TMEM135: variants seen among roughly 807,000 people sequenced by gnomAD.
The protein encoded by TMEM135 is peroxisomal membrane protein 52.
TMEM135 carries 30 observed loss-of-function variants against 60.3 expected under a neutral mutation model. The ratio of observed to expected loss-of-function variants is 0.50; its 90% CI spans 0.37 to 0.68. The LOEUF (loss-of-function observed/expected upper bound fraction) is 0.68, where lower values mean the gene tolerates loss of function less well. Among genes scored for constraint, TMEM135 ranks in the 30% least tolerant of loss-of-function variants. The probability of loss-of-function intolerance (pLI) is 0.00; values close to 1 mark genes in which losing one functional copy is unlikely to be tolerated. For synonymous variants in TMEM135, 190 were observed against 186.7 expected, an observed-to-expected ratio of 1.02 and a Z score of -0.14; for missense variants, 468 against 548.8, an observed-to-expected ratio of 0.85 and a Z score of 1.47.
chr11:87,268,613 A>G (rs542198227), intron 6 of TMEM135, among the ~76,000 whole-genome samples: 1 of 152,322 alleles, frequency 6.6e-6, no homozygotes, highest in African/African-American at 2.4e-5. Context: ...CTTTAGGGTC[A>G]AGAACATTGA....
intron 6 of TMEM135, chr11:87,259,317 C>T: frequency 6.0e-6 from 2 of 334,124 alleles, no homozygotes; most frequent in South Asian, 5.3e-5. Context: ...TATTTCCAAA[C>T]CACTGTACTT....
At chr11:87,038,261 A>T in intron 1 of TMEM135, 75 bp downstream of exon 1, 2 of 1,346,432 alleles carry the variant, frequency 1.5e-6, no homozygotes, top group African/African-American at 1.9e-5. Flanking sequence ...GGTGCTCCCG[A>T]GGGGCTCTGG....
At chr11:87,189,456 CAGCCTGTCAGACATTTCTTAATTGATAGA>C (rs1339800624) in intron 5 of TMEM135, among the ~76,000 whole-genome samples, 1 of 152,144 alleles carries the variant, frequency 6.6e-6, no homozygotes, top group Non-Finnish European at 1.5e-5. Flanking sequence ...CCACCGTGCC[CAGCCTGTCAGACATTTCTTAATTGATAGA>C]AGCAGTTAAA....
chr11:87,168,374 C>G (rs1591072514), intron 5 of TMEM135, among the ~76,000 whole-genome samples: 1 of 151,946 alleles, frequency 6.6e-6, no homozygotes, highest in Non-Finnish European at 1.5e-5. Flanking sequence ...TTTTGCTTTT[C>G]TAGTTCTTTT....
chr11:87,266,967 GTT>G (rs138568013), intron 6 of TMEM135, among the ~76,000 whole-genome samples: 2,442 of 152,280 alleles, frequency 0.016, 77 homozygotes, highest in African/African-American at 0.056. Context: ...TCCGGTTGGA[GTT>G]TTGCCAGGTG....
At chr11:87,229,821 A>G (rs74613102) in intron 5 of TMEM135, among the ~76,000 whole-genome samples, 5,707 of 152,258 alleles carry the variant, frequency 0.037, 310 homozygotes, top group African/African-American at 0.12. Flanking sequence ...ACAACATTCT[A>G]TAAAAGTCCA....
chr11:87,201,932 C>A (rs1351723189), intron 5 of TMEM135, among the ~76,000 whole-genome samples: 1 of 146,542 alleles, frequency 6.8e-6, no homozygotes, highest in Non-Finnish European at 1.5e-5. Flanking sequence ...TATATGCATT[C>A]ACTTTTGGTA....
chr11:87,327,548 G>T lies in TMEM135; in HGVS notation c.*6215G>T. Reference sequence around the variant, plus strand: ...GATACATAGAGAGAGATATGAGAGGGATAGAGAGAGACACAGAGAGAGATA... The same window carrying T: ...GATACATAGAGAGAGATATGAGAGGTATAGAGAGAGACACAGAGAGAGATA... On this transcript the variant is annotated 3_prime_UTR_variant, in exon 15 of 15. Coordinates refer to ENST00000305494, the MANE Select transcript of TMEM135 (RefSeq NM_022918.4). 1 of 452,330 alleles carries T rather than the reference G, an allele frequency of 2.2e-6. No individual in the cohort carries two copies. Among genetic ancestry groups the T allele is most frequent in the South Asian group, 1.6e-5 (1 of 64,262 alleles). The allele number at this position is 452,330 out of a possible 1,614,324, so 28.0% of individuals were successfully genotyped here.
chr11:87,158,757 C>G (rs1390476435), intron 5 of TMEM135, among the ~76,000 whole-genome samples: 1 of 152,156 alleles, frequency 6.6e-6, no homozygotes, highest in African/African-American at 2.4e-5. Context: ...AGCCACCGCG[C>G]CCGGCCTAAC....
rs1434710195 is a variant in TMEM135 at position 87,299,053 on chromosome 11, A to C, written c.551+3230A>C. Among the ~76,000 whole-genome samples the C allele has an allele frequency of 3.9e-5, 6 of 152,264 alleles. No individual in the cohort carries two copies. The East Asian group carries it at 9.7e-4, about 25-fold the overall frequency. On this transcript the variant is annotated intron_variant, in intron 7 of 14. Transcript: ENST00000305494. Reference sequence around the variant, plus strand: ...CAGTGAGCCGAGATTGCGCCACTGCACTCTAGCCTGGGCAATAAGAGCAAA... The same window carrying C: ...CAGTGAGCCGAGATTGCGCCACTGCCCTCTAGCCTGGGCAATAAGAGCAAA...
chr11:87,246,200 A>G (rs893000033), intron 6 of TMEM135, among the ~76,000 whole-genome samples: 1 of 145,714 alleles, frequency 6.9e-6, no homozygotes, highest in African/African-American at 2.6e-5. Context: ...TCTGGCTTGT[A>G]GAGTTTCTGC....
At chr11:87,073,376 T>C (rs1856808927) in intron 3 of TMEM135, among the ~76,000 whole-genome samples, 1 of 152,308 alleles carries the variant, frequency 6.6e-6, no homozygotes, top group South Asian at 2.1e-4. Flanking sequence ...TCATAGTATC[T>C]AAATTTTTGT....
chr11:87,154,364 T>C (rs1938636269), intron 4 of TMEM135, among the ~76,000 whole-genome samples: 1 of 152,238 alleles, frequency 6.6e-6, no homozygotes. Context: ...CCGTATTTTG[T>C]TTATTCATTT....
At chr11:87,196,603 TG>T (rs796242848) in intron 5 of TMEM135, among the ~76,000 whole-genome samples, 23 of 152,244 alleles carry the variant, frequency 1.5e-4, no homozygotes, top group African/African-American at 5.5e-4. Context: ...GGGAATTTGA[TG>T]GGGGGAACCT....
intron 6 of TMEM135, among the ~76,000 whole-genome samples, chr11:87,261,821 C>G (rs531628592): frequency 6.6e-6 from 1 of 152,166 alleles, no homozygotes; most frequent in African/African-American, 2.4e-5. Flanking sequence ...GGCGGGATCC[C>G]CTTACGTTGC....
At chr11:87,258,855 C>A (rs1293564670) in intron 6 of TMEM135, 3 of 798,276 alleles carry the variant, frequency 3.8e-6, no homozygotes, top group East Asian at 2.6e-5. Context: ...CAATCTAGAT[C>A]TTTCCAGGAA....
chr11:87,314,115 A>G (rs1375796703), intron 11 of TMEM135, among the ~76,000 whole-genome samples: 1 of 151,846 alleles, frequency 6.6e-6, no homozygotes, highest in Non-Finnish European at 1.5e-5. Context: ...AGGAGAATAT[A>G]TGAATAAATA....
intron 4 of TMEM135, among the ~76,000 whole-genome samples, chr11:87,122,291 A>C (rs1033455067): frequency 6.9e-6 from 1 of 145,622 alleles, no homozygotes; most frequent in East Asian, 2.0e-4. Context: ...CTTGACTGGC[A>C]GGTTTATGTT....
chr11:87,109,212 C>A (rs7123324), intron 4 of TMEM135, among the ~76,000 whole-genome samples: 8,293 of 152,130 alleles, frequency 0.055, 740 homozygotes, highest in African/African-American at 0.19. Flanking sequence ...GTAAAGTTGT[C>A]CCCCTTTATC....
Sources: gnomAD v4.1 joint callset for allele counts (sites outside exome capture counted in the v4.1 genomes callset) on GRCh38, gnomAD v4.1.1 for gene constraint, MANE v1.5 for transcripts, NCBI Gene and HGNC (gene_info 2026-07-23, HGNC 2026-07-21) for gene names.